Variants in RAP1GAP2 observed in about 807,000 individuals in gnomAD.
The protein encoded by RAP1GAP2 is RAP1 GTPase activating protein 2.
A neutral mutation model predicts 95.0 loss-of-function variants in RAP1GAP2; 27 were observed. That is an observed-to-expected ratio of 0.28 (90% CI 0.21 to 0.39). The LOEUF (loss-of-function observed/expected upper bound fraction) is 0.39, where lower values mean the gene tolerates loss of function less well. Ranked by LOEUF, RAP1GAP2 falls within the 10% of genes least tolerant of loss-of-function variation. RAP1GAP2 has a pLI of 1.00. For missense variants in RAP1GAP2, 771 were observed against 970.0 expected (o/e 0.79, Z 2.72); for synonymous variants, 373 against 380.9 (o/e 0.98, Z 0.24).
intron 2 of RAP1GAP2, among the ~76,000 whole-genome samples, chr17:2,830,497 C>T (rs1452761402): frequency 3.3e-5 from 5 of 151,800 alleles, no homozygotes; most frequent in Non-Finnish European, 7.4e-5. Flanking sequence ...GGGCAGATCA[C>T]GATGTCAAGA....
intron 2 of RAP1GAP2, among the ~76,000 whole-genome samples, chr17:2,864,341 T>C (rs1421984206): frequency 2.6e-5 from 4 of 152,254 alleles, no homozygotes; most frequent in Non-Finnish European, 5.9e-5. Flanking sequence ...ATGGGTGTTA[T>C]TCTGCCCACA....
chr17:3,016,024 C>T (rs1567899494), intron 17 of RAP1GAP2, among the ~76,000 whole-genome samples: 1 of 152,182 alleles, frequency 6.6e-6, no homozygotes, highest in East Asian at 1.9e-4. Flanking sequence ...CCTCCCTCGA[C>T]TAGCTCACAC....
At chr17:2,793,107 A>G (rs2068971246), upstream of RAP1GAP2, among the ~76,000 whole-genome samples, 1 of 151,866 alleles carries the variant, frequency 6.6e-6, no homozygotes, top group Non-Finnish European at 1.5e-5. Flanking sequence ...TGGGCCTGTC[A>G]TTAACTCCCT....
At chr17:2,773,735 A>G (rs1000532311), upstream of RAP1GAP2, among the ~76,000 whole-genome samples, 85 of 86,674 alleles carry the variant, frequency 9.8e-4, no homozygotes, top group Non-Finnish European at 3.9e-4. Flanking sequence ...CTATTTATTT[A>G]TTTATTTATT....
In RAP1GAP2 at chr17:2,878,156, G is replaced by A. The variant is rs182925795; in HGVS notation, c.81-27128G>A. Reference sequence around the variant, plus strand: ...TGCTTTTGGGTGACATTATGTTGCCGGCCGGGGACACACTTAGAGTAGCAA... The same window carrying A: ...TGCTTTTGGGTGACATTATGTTGCCAGCCGGGGACACACTTAGAGTAGCAA... On this transcript the variant is annotated intron_variant, in intron 2 of 24. Coordinates refer to ENST00000254695, the MANE Select transcript of RAP1GAP2 (RefSeq NM_015085.5). Among the ~76,000 whole-genome samples, 9 of 152,230 alleles carry A rather than the reference G, an allele frequency of 5.9e-5. No homozygotes were observed. In the East Asian group the frequency reaches 7.7e-4, roughly 13 times the overall value.
intron 2 of RAP1GAP2, among the ~76,000 whole-genome samples, chr17:2,802,841 G>C (rs2069361197): frequency 6.6e-6 from 1 of 152,200 alleles, no homozygotes; most frequent in African/African-American, 2.4e-5. Flanking sequence ...GGCTTGGCAT[G>C]GTGTGTGCAT....
chr17:2,780,554 C>T (rs570430515), intron 1 of RAP1GAP2, among the ~76,000 whole-genome samples: 92 of 152,296 alleles, frequency 6.0e-4, no homozygotes, highest in African/African-American at 2.1e-3. Context: ...GAGCAATGTG[C>T]ACCCCCCCCA....
rs1054080741 is a variant in RAP1GAP2, at chr17:2,764,499, G to A, written c.51-5830G>A. Reference sequence around the variant, plus strand: ...GCACTTTGGGAAGCCGAGGCGGGTGGATCATGAGGTCAGGGGTTTGAGACC... The same window carrying A: ...GCACTTTGGGAAGCCGAGGCGGGTGAATCATGAGGTCAGGGGTTTGAGACC... On this transcript the variant is annotated intron_variant, in intron 1 of 25. Transcript: ENST00000637138. Among the ~76,000 whole-genome samples, 54 of 151,886 alleles carry A rather than the reference G, an allele frequency of 3.6e-4. 1 individual carries two copies. The highest frequency in any genetic ancestry group is 1.1e-3 in the Admixed American group (17 of 15,224).
intron 2 of RAP1GAP2, among the ~76,000 whole-genome samples, chr17:2,803,596 C>T (rs917721066): frequency 1.1e-4 from 17 of 152,186 alleles, no homozygotes; most frequent in Non-Finnish European, 1.3e-4. Context: ...AAACGTATCG[C>T]GGCCAGGCGC....
chr17:2,819,723 C>T (rs1009442473), intron 2 of RAP1GAP2, among the ~76,000 whole-genome samples: 17 of 151,968 alleles, frequency 1.1e-4, no homozygotes, highest in Non-Finnish European at 2.5e-4. Context: ...CTGCCTCGGC[C>T]TCCCAAAGTG....
intron 2 of RAP1GAP2, among the ~76,000 whole-genome samples, chr17:2,884,801 TG>T (rs1380423042): frequency 6.6e-6 from 1 of 152,208 alleles, no homozygotes; most frequent in Non-Finnish European, 1.5e-5. Context: ...CTCCTTGTCC[TG>T]ATCTTCCTCA....
intron 1 of RAP1GAP2, among the ~76,000 whole-genome samples, chr17:2,760,268 G>A (rs1306751125): frequency 7.3e-6 from 1 of 136,676 alleles, no homozygotes; most frequent in Admixed American, 7.4e-5. Context: ...ACTCCAACCT[G>A]GGGGACAGAG....
In RAP1GAP2 at chr17:2,785,591, C is replaced by G. The variant is rs373750332; in HGVS notation, c.-14+8313C>G. The stretch of plus-strand genomic sequence containing the variant: ...TCTGTTAGCTGATGCATGTAGCTCC[C>G]AGTCACATTTCCCACGCTTGCTTGA... On this transcript the variant is annotated intron_variant, in intron 1 of 24. Coordinates refer to the RAP1GAP2 transcript ENST00000540393. Among the ~76,000 whole-genome samples, 33 of 152,312 alleles carry G rather than the reference C, an allele frequency of 2.2e-4. 1 individual carries two copies. The highest frequency in any genetic ancestry group is 7.2e-4 in the African/African-American group (30 of 41,556).
chr17:2,944,963 A>G (rs2043649705), intron 3 of RAP1GAP2, among the ~76,000 whole-genome samples: 1 of 152,118 alleles, frequency 6.6e-6, no homozygotes, highest in African/African-American at 2.4e-5. Context: ...GCTCACTGCA[A>G]GCTCTGTCTC....
At chr17:2,774,462 C>T (rs1409376284), upstream of RAP1GAP2, among the ~76,000 whole-genome samples, 2 of 143,498 alleles carry the variant, frequency 1.4e-5, no homozygotes, top group African/African-American at 5.2e-5. Flanking sequence ...GGACTATGGG[C>T]TGGTCACCCC....
intron 14 of RAP1GAP2, among the ~76,000 whole-genome samples, chr17:2,999,570 G>C (rs2046082516): frequency 6.6e-6 from 1 of 152,116 alleles, no homozygotes. Flanking sequence ...CTGATTCCTG[G>C]GGTTCATGAG....
chr17:2,781,832 CTGTG>C (rs761951464), intron 1 of RAP1GAP2, among the ~76,000 whole-genome samples: 77 of 149,572 alleles, frequency 5.1e-4, no homozygotes, highest in African/African-American at 1.8e-3. Flanking sequence ...GTGCAGGTCT[CTGTG>C]TGGGCACGTC....
At chr17:2,987,256 AG>A (rs1363985945) in intron 11 of RAP1GAP2, among the ~76,000 whole-genome samples, 1 of 152,252 alleles carries the variant, frequency 6.6e-6, no homozygotes, top group Non-Finnish European at 1.5e-5. Context: ...TCTGTATCAT[AG>A]CATTTGTTGC....
At chr17:2,940,554 G>A (rs1028981307) in intron 3 of RAP1GAP2, among the ~76,000 whole-genome samples, 13 of 152,210 alleles carry the variant, frequency 8.5e-5, no homozygotes, top group Non-Finnish European at 1.8e-4. Flanking sequence ...CTCTTCTTTG[G>A]GCTGTGGTTC....
Sources: allele counts gnomAD v4.1 joint callset (sites outside exome capture counted in the v4.1 genomes callset), GRCh38; gene constraint gnomAD v4.1.1; transcripts MANE v1.5; gene names NCBI Gene and HGNC (gene_info 2026-07-23, HGNC 2026-07-21).